The following PLCL2 variants were observed in gnomAD, a reference collection of about 807,000 sequenced individuals.
The protein encoded by PLCL2 is inactive phospholipase C-like protein 2.
In PLCL2, 4 loss-of-function variants were observed where a neutral mutation model predicts 79.6. The observed-to-expected ratio is 0.05, with a 90% CI of 0.02 to 0.11. PLCL2 has a LOEUF of 0.11. Among genes scored for constraint, PLCL2 ranks in the 10% least tolerant of loss-of-function variants. The pLI is 1.00. For missense variants in PLCL2, 895 were observed against 1,291.0 expected (o/e 0.69, Z 4.70); for synonymous variants, 484 against 457.7 (o/e 1.06, Z -0.73).
At chr3:17,032,992 A>G (rs1311492424) in intron 3 of PLCL2, among the ~76,000 whole-genome samples, 1 of 152,144 alleles carries the variant, frequency 6.6e-6, no homozygotes, top group African/African-American at 2.4e-5. Context: ...GAGGCTTTTT[A>G]TAATTTGAAA....
intron 1 of PLCL2, among the ~76,000 whole-genome samples, chr3:16,999,965 T>A (rs1310030264): frequency 1.3e-5 from 2 of 152,182 alleles, no homozygotes; most frequent in African/African-American, 4.8e-5. Context: ...TAGGAAGTGA[T>A]AATCTTCCTC....
intron 1 of PLCL2, among the ~76,000 whole-genome samples, chr3:16,974,988 C>T (rs1242452209): frequency 2.6e-5 from 4 of 152,154 alleles, no homozygotes; most frequent in Non-Finnish European, 4.4e-5. Context: ...GGTACTGGCC[C>T]TTTTTCCCAG....
rs528973302 is a variant in PLCL2, at chr3:16,901,759, C to CT, written c.327+16394dup. Among the ~76,000 whole-genome samples, 9 of 152,352 alleles carry CT rather than the reference C, an allele frequency of 5.9e-5. No homozygotes were observed. In the South Asian group the frequency reaches 1.4e-3, roughly 25 times the overall value. On this transcript the variant is annotated intron_variant, in intron 1 of 5. Transcript: ENST00000615277. The stretch of plus-strand genomic sequence containing the variant: ...CAAGAAAGGTAGCAGTAGCCTCTCT[C>CT]TAGCCTTCTCAGCTCTCTCTTCAGC...
chr3:16,992,229 CA>C (rs1197307683), intron 1 of PLCL2, among the ~76,000 whole-genome samples: 1 of 152,134 alleles, frequency 6.6e-6, no homozygotes. Context: ...GGCCCTGATT[CA>C]ATCATCAGAA....
intron 1 of PLCL2, among the ~76,000 whole-genome samples, chr3:16,962,462 T>G (rs1257680154): frequency 6.6e-6 from 1 of 151,944 alleles, no homozygotes; most frequent in East Asian, 1.9e-4. Flanking sequence ...TGTTTGATTC[T>G]TATGCTATTA....
At chr3:17,027,244 A>G (rs987855275) in intron 3 of PLCL2, among the ~76,000 whole-genome samples, 8 of 152,202 alleles carry the variant, frequency 5.3e-5, no homozygotes, top group African/African-American at 1.7e-4. Flanking sequence ...GAGCTGAGAA[A>G]CACATGTTTC....
At chr3:16,973,787 A>G (rs1011448942) in intron 1 of PLCL2, among the ~76,000 whole-genome samples, 1 of 152,208 alleles carries the variant, frequency 6.6e-6, no homozygotes, top group African/African-American at 2.4e-5. Flanking sequence ...ATACTGGTAA[A>G]TAGAAATAGT....
intron 1 of PLCL2, among the ~76,000 whole-genome samples, chr3:16,937,397 A>G (rs1575539454): frequency 1.3e-5 from 2 of 152,188 alleles, no homozygotes; most frequent in African/African-American, 4.8e-5. Flanking sequence ...GTTATTTTCT[A>G]GAGAGACTGA....
intron 5 of PLCL2, chr3:17,081,582 C>T (rs915101431): frequency 5.3e-6 from 1 of 188,894 alleles, no homozygotes; most frequent in Non-Finnish European, 1.1e-5. Context: ...ACAGATGTGT[C>T]TTGAAATATT....
intron 1 of PLCL2, among the ~76,000 whole-genome samples, chr3:16,974,905 G>T (rs560220990): frequency 6.6e-6 from 1 of 152,308 alleles, no homozygotes; most frequent in African/African-American, 2.4e-5. Context: ...ATGTAGAGGG[G>T]AAGGGCTTAA....
chr3:16,932,676 G>A (rs1168853349), intron 1 of PLCL2, among the ~76,000 whole-genome samples: 1 of 152,152 alleles, frequency 6.6e-6, no homozygotes. Flanking sequence ...CACGGTAGCT[G>A]ATCAGTGCTA....
chr3:17,063,627 G>A (rs943148785), intron 4 of PLCL2, among the ~76,000 whole-genome samples: 6 of 151,982 alleles, frequency 3.9e-5, no homozygotes, highest in African/African-American at 1.4e-4. Flanking sequence ...GTCTCCACGT[G>A]ACTTCTCTGT....
intron 1 of PLCL2, among the ~76,000 whole-genome samples, chr3:16,960,054 G>A (rs578030920): frequency 3.3e-5 from 5 of 152,066 alleles, no homozygotes; most frequent in South Asian, 2.1e-4. Flanking sequence ...GCAGTGAGCC[G>A]AGATTGCGCC....
chr3:16,947,370 T>C (rs1303881080), intron 1 of PLCL2, among the ~76,000 whole-genome samples: 1 of 152,154 alleles, frequency 6.6e-6, no homozygotes, highest in African/African-American at 2.4e-5. Context: ...AACAGGAGAT[T>C]TGAACTCCTC....
At position 17,083,709 on chromosome 3, in the gene PLCL2, A is replaced by T. The variant is rs1000416893; in HGVS notation, c.3205-6024A>T. 3.3e-5 allele frequency among the ~76,000 whole-genome samples: 5 copies of T among 152,312 alleles called. No homozygotes were observed. In the South Asian group the frequency reaches 8.3e-4, roughly 25 times the overall value. On this transcript the variant is annotated intron_variant, in intron 5 of 5. Transcript: ENST00000615277. ...TTATATATATGTTTTGAAGATTGTG[A>T]CACTAGGACCTACTGACAGATGGGA...
intron 1 of PLCL2, among the ~76,000 whole-genome samples, chr3:17,000,806 A>G (rs1021205686): frequency 6.6e-5 from 10 of 152,070 alleles, no homozygotes; most frequent in Non-Finnish European, 1.5e-4. Context: ...ACCATATTTT[A>G]AAAACCTATC....
intron 1 of PLCL2, among the ~76,000 whole-genome samples, chr3:16,960,919 G>A (rs1039172415): frequency 2.6e-5 from 4 of 152,112 alleles, no homozygotes; most frequent in Non-Finnish European, 5.9e-5. Context: ...GTTATTAATT[G>A]TTATCAGTTT....
At chr3:17,055,498 T>A (rs1321393600) in intron 4 of PLCL2, among the ~76,000 whole-genome samples, 1 of 152,124 alleles carries the variant, frequency 6.6e-6, no homozygotes, top group Non-Finnish European at 1.5e-5. Flanking sequence ...ACCTCAACCG[T>A]CCCTGTAACC....
chr3:17,081,286 G>C (rs866116453), intron 5 of PLCL2: 8 of 456,192 alleles, frequency 1.8e-5, no homozygotes, highest in South Asian at 1.2e-4. Flanking sequence ...ATGTGATTTG[G>C]AAGAAAAGTG....
Sources: gnomAD v4.1 joint callset for allele counts (sites outside exome capture counted in the v4.1 genomes callset) on GRCh38, gnomAD v4.1.1 for gene constraint, MANE v1.5 for transcripts, NCBI Gene and HGNC (gene_info 2026-07-23, HGNC 2026-07-21) for gene names.